The following TRPM3 variants were observed in gnomAD, a reference collection of about 807,000 sequenced individuals.
TRPM3 encodes the protein long transient receptor potential channel 3.
TRPM3 carries 77 observed loss-of-function variants against 181.2 expected under a neutral mutation model. That is an observed-to-expected ratio of 0.42 (90% CI 0.35 to 0.51). The LOEUF (loss-of-function observed/expected upper bound fraction) is 0.51. TRPM3 is among the 20% of genes least tolerant of loss of function. The pLI is 0.01. For missense variants in TRPM3, 1,759 were observed against 2,196.7 expected (o/e 0.80, Z 3.98); for synonymous variants, 745 against 796.4 (o/e 0.94, Z 1.09).
intron 1 of TRPM3, among the ~76,000 whole-genome samples, chr9:70,930,894 T>A (rs12341328): frequency 0.016 from 2,395 of 152,066 alleles, 61 homozygotes; most frequent in African/African-American, 0.053. Flanking sequence ...TAAAAATAAA[T>A]ATATATATTC....
chr9:71,346,516 C>T (rs2091302736), intron 1 of TRPM3, among the ~76,000 whole-genome samples: 1 of 152,106 alleles, frequency 6.6e-6, no homozygotes, highest in South Asian at 2.1e-4. Context: ...AAACTCTTTG[C>T]AAGGGAGCTA....
intron 11 of TRPM3, among the ~76,000 whole-genome samples, chr9:70,638,151 T>G (rs887161638): frequency 6.6e-6 from 1 of 152,158 alleles, no homozygotes. Context: ...CTGTCTCTTC[T>G]GCCTTGTGAG....
intron 1 of TRPM3, among the ~76,000 whole-genome samples, chr9:71,151,116 G>A (rs775691631): frequency 1.6e-4 from 24 of 152,152 alleles, no homozygotes; most frequent in African/African-American, 5.8e-4. Flanking sequence ...GCGTGCATGC[G>A]CACTATGAGA....
intron 1 of TRPM3, among the ~76,000 whole-genome samples, chr9:71,279,428 T>A (rs547811941): frequency 4.5e-4 from 69 of 152,312 alleles, no homozygotes; most frequent in African/African-American, 1.6e-3. Context: ...AAAAACAAAG[T>A]ATTTTTAAAA....
chr9:71,130,275 G>T (rs1171554528), intron 1 of TRPM3, among the ~76,000 whole-genome samples: 1 of 152,096 alleles, frequency 6.6e-6, no homozygotes, highest in Non-Finnish European at 1.5e-5. Flanking sequence ...TAAGGTAACT[G>T]ATTTAGTTTC....
At chr9:71,003,460 G>A (rs997927227) in intron 1 of TRPM3, among the ~76,000 whole-genome samples, 48 of 149,600 alleles carry the variant, frequency 3.2e-4, no homozygotes, top group African/African-American at 1.1e-3. Context: ...TACTAAAATT[G>A]GGGCTGCTGG....
At chr9:70,569,056 A>T (rs1005844220) in intron 22 of TRPM3, among the ~76,000 whole-genome samples, 2 of 152,236 alleles carry the variant, frequency 1.3e-5, no homozygotes, top group African/African-American at 2.4e-5. Flanking sequence ...TTGTCCAATA[A>T]TTCCTTTGTA....
At chr9:71,176,689 C>A (rs1249079273) in intron 1 of TRPM3, among the ~76,000 whole-genome samples, 2 of 152,068 alleles carry the variant, frequency 1.3e-5, no homozygotes, top group African/African-American at 2.4e-5. Context: ...ACCGACTCAC[C>A]CAGAGCAACT....
Position 71,034,707 on chromosome 9 carries a change from A to G in TRPM3, c.177+86471T>C, listed in dbSNP as rs868812687. On this transcript the variant is annotated intron_variant, in intron 1 of 25. Transcript: ENST00000677713. ...GCTTGAAATCAGTCATGGTGGGAGT[A>G]TTTACATCATGGAAATCAACAATGC... 6.0e-5 allele frequency among the ~76,000 whole-genome samples: 9 copies of G among 149,546 alleles called. 1 individual carries two copies. In the South Asian group the frequency reaches 6.4e-4, roughly 11 times the overall value.
chr9:70,889,768 G>T (rs1220461367), intron 1 of TRPM3, among the ~76,000 whole-genome samples: 2 of 151,832 alleles, frequency 1.3e-5, no homozygotes, highest in African/African-American at 2.4e-5. Flanking sequence ...ATAGCCAAGG[G>T]TCATCAGGAA....
intron 6 of TRPM3, among the ~76,000 whole-genome samples, chr9:70,807,496 G>C (rs139481074): frequency 4.6e-4 from 70 of 152,140 alleles, no homozygotes; most frequent in African/African-American, 1.6e-3. Flanking sequence ...TAGCTTTTTA[G>C]TATCTAGTCG....
chr9:71,022,759 A>C (rs190460831), intron 1 of TRPM3, among the ~76,000 whole-genome samples: 33 of 152,320 alleles, frequency 2.2e-4, no homozygotes, highest in South Asian at 1.0e-3. Flanking sequence ...ATGGTGCAGC[A>C]AACTACCATG....
At chr9:71,404,696 A>G (rs771234315) in intron 1 of TRPM3, among the ~76,000 whole-genome samples, 6 of 152,130 alleles carry the variant, frequency 3.9e-5, no homozygotes, top group Non-Finnish European at 7.3e-5. Context: ...TGCTTACATC[A>G]TCCAATGGCT....
At chr9:71,219,851 T>C (rs546479539) in intron 1 of TRPM3, among the ~76,000 whole-genome samples, 42 of 152,178 alleles carry the variant, frequency 2.8e-4, no homozygotes, top group Non-Finnish European at 4.0e-4. Context: ...ACAAGTGGCC[T>C]TGAAGGGTCT....
At position 71,392,838 on chromosome 9, in the gene TRPM3, A is replaced by G. The variant is rs1022440717; in HGVS notation, c.183+53815T>C. Reference sequence around the variant, plus strand: ...GATATTCTAGTTGAATAATTATTCAATTGAAAGCTCTTTCCCCTTTAGGAA... The same window carrying G: ...GATATTCTAGTTGAATAATTATTCAGTTGAAAGCTCTTTCCCCTTTAGGAA... On this transcript the variant is annotated intron_variant, in intron 1 of 24. Coordinates refer to the TRPM3 transcript ENST00000357533. 2.6e-5 allele frequency among the ~76,000 whole-genome samples: 4 copies of G among 152,282 alleles called. No individual in the cohort carries two copies. In the South Asian group the frequency reaches 6.2e-4, roughly 24 times the overall value.
intron 1 of TRPM3, among the ~76,000 whole-genome samples, chr9:71,285,715 C>G (rs2085225902): frequency 6.6e-6 from 1 of 152,156 alleles, no homozygotes. Flanking sequence ...GAAGCACCAC[C>G]ACCACCAGTC....
chr9:71,092,519 T>G (rs1226517714), intron 1 of TRPM3, among the ~76,000 whole-genome samples: 2 of 152,178 alleles, frequency 1.3e-5, no homozygotes, highest in African/African-American at 4.8e-5. Flanking sequence ...ATTGTAAAAT[T>G]AACTCAATTC....
At chr9:71,001,266 C>T (rs939345441) in intron 1 of TRPM3, among the ~76,000 whole-genome samples, 1 of 152,170 alleles carries the variant, frequency 6.6e-6, no homozygotes, top group African/African-American at 2.4e-5. Flanking sequence ...ACATGGGGCT[C>T]ATGTCTATAA....
At chr9:71,207,110 G>A (rs186911546) in intron 1 of TRPM3, among the ~76,000 whole-genome samples, 8 of 152,096 alleles carry the variant, frequency 5.3e-5, no homozygotes, top group Admixed American at 4.6e-4. Flanking sequence ...TCTGGTAACT[G>A]AGATTAGGAT....
Sources: gnomAD v4.1 joint callset for allele counts (sites outside exome capture counted in the v4.1 genomes callset) on GRCh38, gnomAD v4.1.1 for gene constraint, MANE v1.5 for transcripts, NCBI Gene and HGNC (gene_info 2026-07-23, HGNC 2026-07-21) for gene names.